Variants in TDP1 observed in about 807,000 individuals in gnomAD.
TDP1 encodes the protein tyrosyl-DNA phosphodiesterase 1.
A neutral mutation model predicts 81.5 loss-of-function variants in TDP1; 64 were observed. That is an observed-to-expected ratio of 0.79 (90% confidence interval 0.64 to 0.97). TDP1 has a LOEUF of 0.97. TDP1 is among the 50% of genes least tolerant of loss of function. TDP1 has a pLI of 0.00. For synonymous variants in TDP1, 256 were observed against 264.3 expected (o/e 0.97, Z 0.30); for missense variants, 723 against 743.8 (o/e 0.97, Z 0.33).
chr14:90,034,321 C>T (rs1887606983), intron 16 of TDP1, among the ~76,000 whole-genome samples: 1 of 152,164 alleles, frequency 6.6e-6, no homozygotes, highest in African/African-American at 2.4e-5. Flanking sequence ...ACAGGCCCTC[C>T]CAACCACCAT....
At position 90,023,156 on chromosome 14, in the gene TDP1, A is replaced by G. The variant is rs1278251395; in HGVS notation, c.1644+3738A>G. The G allele has an allele frequency of 1.8e-5, 13 of 715,832 alleles. No individual in the cohort carries two copies. The East Asian group carries it at 3.1e-4, about 17-fold the overall frequency. 44.3% of individuals were successfully genotyped at this position (715,832 alleles called of 1,614,324 possible). On this transcript the variant is annotated intron_variant, in intron 15 of 16. Coordinates refer to ENST00000335725, the MANE Select transcript of TDP1 (RefSeq NM_018319.4). ...ACAACTAGGGTGTGGGGCATTCAAAATACAGGGGCTCTGAGAAGAGGGACC... is the reference window on the plus strand; with the variant it reads ...ACAACTAGGGTGTGGGGCATTCAAAGTACAGGGGCTCTGAGAAGAGGGACC...
chr14:89,956,526 G>A (rs1891657414), intron 1 of TDP1, 52 bp from the exon 2 acceptor site: 1 of 152,400 alleles, frequency 6.6e-6, no homozygotes. Flanking sequence ...CGTCCCCAAC[G>A]CCTTCAGCAA....
At chr14:89,992,046 C>G in intron 13 of TDP1, 63 bp downstream of exon 13, 1 of 1,403,938 alleles carries the variant, frequency 7.1e-7, no homozygotes, top group Non-Finnish European at 9.9e-7. Flanking sequence ...ATTTATGTCA[C>G]TGGTTTGTTT....
chr14:89,998,822 G>A (rs903237868), intron 14 of TDP1, among the ~76,000 whole-genome samples: 21 of 152,008 alleles, frequency 1.4e-4, no homozygotes, highest in Non-Finnish European at 1.9e-4. Flanking sequence ...TGGGAGGGTA[G>A]GTGAGTTCAG....
chr14:89,971,718 T>C (rs1893689309), intron 6 of TDP1, among the ~76,000 whole-genome samples: 1 of 152,206 alleles, frequency 6.6e-6, no homozygotes, highest in Non-Finnish European at 1.5e-5. Flanking sequence ...TGGTTGCATG[T>C]AGCTTGTCAG....
At position 90,021,844 on chromosome 14, in the gene TDP1, T is replaced by A. The variant is rs1886124992; in HGVS notation, c.1644+2426T>A. 2.0e-5 allele frequency among the ~76,000 whole-genome samples: 3 copies of A among 152,334 alleles called. No homozygotes were observed. In the South Asian group the frequency reaches 6.2e-4, roughly 32 times the overall value. Reference sequence around the variant, plus strand: ...TAGGGTGACGATGTAATTAACAGTCTAAGATTGTAACAGATTTTCCAAGAG... The same window carrying A: ...TAGGGTGACGATGTAATTAACAGTCAAAGATTGTAACAGATTTTCCAAGAG... On this transcript the variant is annotated intron_variant, in intron 15 of 16. Transcript: ENST00000335725.
Position 89,963,093 on chromosome 14 carries a change from A to G in TDP1, c.-7-15A>G. Reference sequence around the variant, plus strand: ...ATGAATGGGAAATGCTGATGTTTCCACTTTTCATTTCCAGGAGTATAATGT... The same window carrying G: ...ATGAATGGGAAATGCTGATGTTTCCGCTTTTCATTTCCAGGAGTATAATGT... On this transcript the variant is annotated splice_polypyrimidine_tract_variant and intron_variant, in intron 2 of 16. Transcript: ENST00000335725. 1 of 1,614,108 alleles carries G rather than the reference A, an allele frequency of 6.2e-7. No homozygotes were observed. Among genetic ancestry groups the G allele is most frequent in the Non-Finnish European group, 8.5e-7 (1 of 1,180,000 alleles).
chr14:90,007,753 CCACCA>C (rs1226531279), intron 14 of TDP1, among the ~76,000 whole-genome samples: 11 of 151,892 alleles, frequency 7.2e-5, no homozygotes, highest in Non-Finnish European at 1.6e-4. Context: ...CAGGTATGCA[CCACCA>C]CACCTGGCTA....
chr14:90,013,581 A>AC (rs1884974342), intron 14 of TDP1, among the ~76,000 whole-genome samples: 2 of 152,114 alleles, frequency 1.3e-5, no homozygotes, highest in South Asian at 4.1e-4. Flanking sequence ...TTTCCTTTGT[A>AC]AATTATCCAG....
chr14:90,017,220 A>G (rs1440921639), intron 14 of TDP1, among the ~76,000 whole-genome samples: 1 of 151,210 alleles, frequency 6.6e-6, no homozygotes. Context: ...GTGTGCACGC[A>G]CACACACACA....
At chr14:89,975,989 G>T (rs1406226276) in intron 7 of TDP1, among the ~76,000 whole-genome samples, 174 bp downstream of exon 7, 1 of 152,158 alleles carries the variant, frequency 6.6e-6, no homozygotes, top group Non-Finnish European at 1.5e-5. Context: ...AAATTATTTG[G>T]TCTTTCCTTT....
chr14:89,973,477 C>T (rs962137339), intron 6 of TDP1, among the ~76,000 whole-genome samples: 5 of 152,224 alleles, frequency 3.3e-5, no homozygotes. Flanking sequence ...TGAAGAAGCT[C>T]CCAACTCTAG....
chr14:90,024,048 C>A (rs773609729), intron 15 of TDP1, among the ~76,000 whole-genome samples: 11 of 152,178 alleles, frequency 7.2e-5, no homozygotes, highest in African/African-American at 1.2e-4. Flanking sequence ...CACTTCACCT[C>A]CCTGGGCCAC....
intron 10 of TDP1, chr14:89,988,584 T>C: frequency 1.0e-6 from 1 of 981,170 alleles, no homozygotes; most frequent in South Asian, 4.7e-5. Context: ...AAAAATCTAA[T>C]TTCATATGAC....
chr14:89,985,319 T>C (rs1895438141), intron 10 of TDP1, 109 bp downstream of exon 10: 3 of 682,664 alleles, frequency 4.4e-6, no homozygotes, highest in Non-Finnish European at 5.0e-6. Context: ...TGCACAATTC[T>C]GGGCAAATAG....
At chr14:89,969,876 C>CTTTTTTT (rs5810477) in intron 5 of TDP1, among the ~76,000 whole-genome samples, 5 of 122,844 alleles carry the variant, frequency 4.1e-5, no homozygotes, top group Non-Finnish European at 4.8e-5. Context: ...ATACTTATTT[C>CTTTTTTT]TTTTTTTTTT....
chr14:90,026,205 A>G (rs553779889), intron 15 of TDP1, among the ~76,000 whole-genome samples: 4 of 152,252 alleles, frequency 2.6e-5, no homozygotes, highest in Non-Finnish European at 5.9e-5. Context: ...TACAGTTTAC[A>G]AGAGCCACCA....
intron 7 of TDP1, chr14:89,980,040 T>C: frequency 3.0e-6 from 1 of 328,516 alleles, no homozygotes; most frequent in Non-Finnish European, 4.4e-6. Flanking sequence ...AAATACACTT[T>C]ACATTTCAGT....
chr14:90,023,136 T>A, intron 15 of TDP1: 1 of 735,594 alleles, frequency 1.4e-6, no homozygotes, highest in Non-Finnish European at 2.5e-6. Context: ...TGACAACAAC[T>A]AGGGTGTGGG....
Sources: gnomAD v4.1 joint callset for allele counts (sites outside exome capture counted in the v4.1 genomes callset) on GRCh38, gnomAD v4.1.1 for gene constraint, MANE v1.5 for transcripts, NCBI Gene and HGNC (gene_info 2026-07-23, HGNC 2026-07-21) for gene names.